The following ADGRB3 variants were observed in gnomAD, a reference collection of about 807,000 sequenced individuals.
The protein encoded by ADGRB3 is adhesion G protein-coupled receptor B3.
In ADGRB3, 37 loss-of-function variants were observed where a neutral mutation model predicts 193.4. The ratio of observed to expected loss-of-function variants is 0.19; its 90% CI spans 0.15 to 0.25. ADGRB3 has a LOEUF of 0.25. Ranked by LOEUF, ADGRB3 falls within the 10% of genes least tolerant of loss-of-function variation. ADGRB3 has a pLI of 1.00. For synonymous variants in ADGRB3, 690 were observed against 644.2 expected (o/e 1.07, Z -1.08); for missense variants, 1,637 against 1,852.9 (o/e 0.88, Z 2.14).
chr6:68,783,994 GGAGATATTT>G (rs775554340), intron 3 of ADGRB3, among the ~76,000 whole-genome samples: 3 of 152,016 alleles, frequency 2.0e-5, no homozygotes, highest in Non-Finnish European at 4.4e-5. Flanking sequence ...ATAAGAGACT[GGAGATATTT>G]GAGAGGAAGA....
intron 8 of ADGRB3, among the ~76,000 whole-genome samples, chr6:68,958,706 T>G (rs1475366744): frequency 2.0e-5 from 3 of 152,178 alleles, no homozygotes; most frequent in African/African-American, 7.2e-5. Flanking sequence ...CACTACACAT[T>G]TTTGTTATTA....
At chr6:68,870,992 C>A (rs1159563212) in intron 3 of ADGRB3, among the ~76,000 whole-genome samples, 3 of 152,124 alleles carry the variant, frequency 2.0e-5, no homozygotes, top group Non-Finnish European at 4.4e-5. Flanking sequence ...TTCTTCATTT[C>A]TTTCTAAGTG....
chr6:68,841,115 G>A (rs1226116208), intron 3 of ADGRB3, among the ~76,000 whole-genome samples: 1 of 148,152 alleles, frequency 6.7e-6, no homozygotes, highest in South Asian at 2.1e-4. Flanking sequence ...AATATTATTA[G>A]AACTAAAGGG....
rs1167142377 is a variant in ADGRB3 at position 69,149,924 on chromosome 6, C to CTGTGTGTGTGTG, written c.2480+73926_2480+73937dup. 2.4e-3 allele frequency among the ~76,000 whole-genome samples: 313 copies of CTGTGTGTGTGTG among 128,948 alleles called. 5 individuals are homozygous for CTGTGTGTGTGTG. Among genetic ancestry groups the CTGTGTGTGTGTG allele is most frequent in the African/African-American group, 7.9e-3 (262 of 33,248 alleles). The allele number at this position is 128,948 out of a possible 152,430, so 84.6% of individuals were successfully genotyped here. On this transcript the variant is annotated intron_variant, in intron 17 of 31. Transcript: ENST00000370598. ...TTTATCTCTCTCTCTGTCTGTCTTTCTGTGTGTGTGTGTGTGTGTGTGTGT... is the reference window on the plus strand; with the variant it reads ...TTTATCTCTCTCTCTGTCTGTCTTTCTGTGTGTGTGTGTGTGTGTGTGTGTGTGTGTGTGTGT...
chr6:68,703,329 A>T (rs1258488249), intron 3 of ADGRB3, among the ~76,000 whole-genome samples: 9 of 152,210 alleles, frequency 5.9e-5, no homozygotes, highest in Non-Finnish European at 1.0e-4. Context: ...TAAATACAAC[A>T]TAAACACTCT....
chr6:68,681,865 G>A (rs1269534166), intron 3 of ADGRB3, among the ~76,000 whole-genome samples: 4 of 152,196 alleles, frequency 2.6e-5, no homozygotes, highest in Admixed American at 2.6e-4. Context: ...CTAGGAACCT[G>A]TGCATTTTAC....
chr6:69,094,667 C>A (rs535866354), intron 17 of ADGRB3, among the ~76,000 whole-genome samples: 1 of 152,120 alleles, frequency 6.6e-6, no homozygotes, highest in African/African-American at 2.4e-5. Flanking sequence ...GCATTCAAAT[C>A]TTCATGGTTG....
chr6:69,071,105 G>A (rs1000044975), intron 16 of ADGRB3, among the ~76,000 whole-genome samples: 10 of 152,172 alleles, frequency 6.6e-5, no homozygotes, highest in African/African-American at 2.4e-4. Flanking sequence ...TTCTTGGAAT[G>A]TAATAGATGT....
At chr6:69,006,006 C>G (rs1334888080) in intron 11 of ADGRB3, among the ~76,000 whole-genome samples, 1 of 152,130 alleles carries the variant, frequency 6.6e-6, no homozygotes, top group Non-Finnish European at 1.5e-5. Context: ...AAGGTCTCAA[C>G]CATGGTATTG....
chr6:69,176,356 G>C (rs1460726392), intron 17 of ADGRB3, among the ~76,000 whole-genome samples: 2 of 152,126 alleles, frequency 1.3e-5, no homozygotes, highest in African/African-American at 4.8e-5. Flanking sequence ...AGGGATGTTA[G>C]ATTTTATCAA....
intron 3 of ADGRB3, among the ~76,000 whole-genome samples, chr6:68,778,580 G>A (rs1306335315): frequency 3.9e-5 from 6 of 151,992 alleles, no homozygotes; most frequent in Non-Finnish European, 2.9e-5. Context: ...GTTAGTCATC[G>A]GCATAATTTT....
intron 3 of ADGRB3, among the ~76,000 whole-genome samples, chr6:68,909,920 C>T (rs1362825453): frequency 2.6e-5 from 4 of 152,142 alleles, no homozygotes; most frequent in African/African-American, 9.7e-5. Flanking sequence ...GGTATATACC[C>T]AGTAATGGGA....
At chr6:68,830,351 C>T (rs1173593374) in intron 3 of ADGRB3, among the ~76,000 whole-genome samples, 7 of 152,056 alleles carry the variant, frequency 4.6e-5, no homozygotes, top group African/African-American at 1.7e-4. Flanking sequence ...ATAATGTGAA[C>T]CACCTTTTTC....
chr6:68,744,985 A>G (rs1766055467), intron 3 of ADGRB3, among the ~76,000 whole-genome samples: 1 of 152,162 alleles, frequency 6.6e-6, no homozygotes. Flanking sequence ...GGCCTCAAAT[A>G]CAATAAAAAA....
chr6:69,341,440 C>A (rs1256819698), intron 26 of ADGRB3, among the ~76,000 whole-genome samples: 5 of 151,882 alleles, frequency 3.3e-5, no homozygotes, highest in African/African-American at 1.2e-4. Context: ...CCATAATAAA[C>A]CCACATGTAT....
At chr6:68,879,973 G>A (rs1010433793) in intron 3 of ADGRB3, among the ~76,000 whole-genome samples, 1 of 152,188 alleles carries the variant, frequency 6.6e-6, no homozygotes, top group Non-Finnish European at 1.5e-5. Flanking sequence ...GCATCAAAAT[G>A]TGTCTATATG....
chr6:69,277,187 G>A (rs148854411), intron 20 of ADGRB3, among the ~76,000 whole-genome samples: 33 of 152,032 alleles, frequency 2.2e-4, no homozygotes, highest in African/African-American at 7.2e-4. Context: ...TACAGACGGA[G>A]TTTCAACATG....
chr6:69,038,387 C>T (rs1208664895), intron 13 of ADGRB3, among the ~76,000 whole-genome samples: 1 of 152,054 alleles, frequency 6.6e-6, no homozygotes, highest in Non-Finnish European at 1.5e-5. Context: ...TACACAAGCT[C>T]TTTGTTTTGT....
At chr6:68,848,109 TAA>T (rs1768318613) in intron 3 of ADGRB3, among the ~76,000 whole-genome samples, 1 of 151,826 alleles carries the variant, frequency 6.6e-6, no homozygotes, top group Admixed American at 6.6e-5. Flanking sequence ...TTAATAAAAA[TAA>T]AAACAGTTTA....
Sources: gnomAD v4.1 joint callset for allele counts (sites outside exome capture counted in the v4.1 genomes callset) on GRCh38, gnomAD v4.1.1 for gene constraint, MANE v1.5 for transcripts, NCBI Gene and HGNC (gene_info 2026-07-23, HGNC 2026-07-21) for gene names.